HMCN2: variants seen among roughly 807,000 people sequenced by gnomAD.
HMCN2 encodes the protein hemicentin-2.
A neutral mutation model predicts 377.5 loss-of-function variants in HMCN2; 325 were observed. The observed-to-expected ratio is 0.86, with a 90% confidence interval of 0.79 to 0.94. HMCN2 has a LOEUF of 0.94. HMCN2 is among the 40% of genes least tolerant of loss of function. The pLI is 0.00. For synonymous variants in HMCN2, 2,007 were observed against 2,046.8 expected (o/e 0.98, Z 0.53); for missense variants, 4,543 against 4,725.3 (o/e 0.96, Z 1.13).
Position 130,423,399 on chromosome 9 carries a change from AG to A in HMCN2, c.13381+674del, listed in dbSNP as rs916168030. 6.6e-5 allele frequency among the ~76,000 whole-genome samples: 10 copies of A among 152,236 alleles called. No homozygotes were observed. Among genetic ancestry groups the A allele is most frequent in the Admixed American group, 2.0e-4 (3 of 15,292 alleles). ...CTGCCCTTGGCCATGGTCCCGCATG[AG>A]CAGTGTGGGGTCAGGGGATTTTGCT... On this transcript the variant is annotated intron_variant, in intron 87 of 97. Transcript: ENST00000683500. This position sits in a 1 kb window ranked among gnomAD's most constrained non-coding sequence, Gnocchi z 5.5.
chr9:130,305,145 G>A, intron 11 of HMCN2, 143 bp downstream of exon 11: 2 of 366,624 alleles, frequency 5.5e-6, no homozygotes, highest in Non-Finnish European at 1.1e-5. Flanking sequence ...GAACTTTCAG[G>A]GAGAGAGAAT....
At position 130,428,217 on chromosome 9, in the gene HMCN2, A is replaced by T; in HGVS notation, c.14066-141A>T. 1 of 956,284 alleles carries T rather than the reference A, an allele frequency of 1.0e-6. No homozygotes were observed. The highest frequency in any genetic ancestry group is 1.5e-6 in the Non-Finnish European group (1 of 676,648). The allele number at this position is 956,284 out of a possible 1,614,324, so 59.2% of individuals were successfully genotyped here. On this transcript the variant is annotated intron_variant, in intron 92 of 97. Transcript: ENST00000683500. This position sits in a 1 kb window ranked among gnomAD's most constrained non-coding sequence, Gnocchi z 5.0. Reference sequence around the variant, plus strand: ...AGGGAGCAAGACAATGGAAAGAGCTAGCAGAAGGGGTGGGGACCTTCCTGC... The same window carrying T: ...AGGGAGCAAGACAATGGAAAGAGCTTGCAGAAGGGGTGGGGACCTTCCTGC...
intron 19 of HMCN2, among the ~76,000 whole-genome samples, chr9:130,322,524 A>G (rs1470404462): frequency 2.0e-5 from 3 of 152,188 alleles, no homozygotes; most frequent in Non-Finnish European, 4.4e-5. Context: ...ATTCAGAGGC[A>G]TCAGTTTAAT....
intron 83 of HMCN2, 23 bp from the exon 84 acceptor site, chr9:130,408,720 T>C: frequency 7.8e-7 from 1 of 1,276,928 alleles, no homozygotes; most frequent in Non-Finnish European, 1.0e-6. Flanking sequence ...TTCTGACAAC[T>C]TGCTCGATGT....
chr9:130,336,417 C>T (rs1207971335), intron 22 of HMCN2, among the ~76,000 whole-genome samples: 5 of 152,182 alleles, frequency 3.3e-5, no homozygotes, highest in Admixed American at 1.3e-4. Flanking sequence ...CTGTTCCAGA[C>T]GCCGTGTTAT....
Position 130,356,160 on chromosome 9 carries a change from C to T in HMCN2, c.5328C>T (p.His1776=), listed in dbSNP as rs1379685673. 1 of 1,302,832 alleles carries T rather than the reference C, an allele frequency of 7.7e-7. No individual in the cohort carries two copies. Among genetic ancestry groups the T allele is most frequent in the Admixed American group, 2.3e-5 (1 of 43,536 alleles). 80.7% of individuals were successfully genotyped at this position (1,302,832 alleles called of 1,614,324 possible). A position where few individuals can be genotyped will look rare whatever the true frequency, so the allele number is the denominator to read the frequency against. The stretch of plus-strand genomic sequence containing the variant: ...TGGCCTCGCAGGGGACCACACTGCA[C>T]ATTGACCATGTGGAGCTGGACCACT... ...VQVASQGTTL[H]IDHVELDHSG... is the part of the protein sequence containing the mutation. Residue 1776 remains histidine, a synonymous_variant, in exon 34 of 98, where the codon CAC becomes CAT. Transcript: ENST00000683500.
At chr9:130,411,225 C>A (rs10793977) in intron 85 of HMCN2, among the ~76,000 whole-genome samples, 97,785 of 148,222 alleles carry the variant, frequency 0.66, 32,344 homozygotes, top group East Asian at 0.82. Flanking sequence ...AAAAAAAAAA[C>A]AACAAACTTT....
chr9:130,403,372 G>A (rs772065938), intron 79 of HMCN2, 44 bp downstream of exon 79: 23 of 1,286,800 alleles, frequency 1.8e-5, no homozygotes, highest in South Asian at 6.2e-5. Flanking sequence ...AGAGAAGAGC[G>A]TGGGTCTGGG....
chr9:130,287,729 T>C (rs950368529), intron 4 of HMCN2, among the ~76,000 whole-genome samples: 15 of 152,174 alleles, frequency 9.9e-5, no homozygotes, highest in Admixed American at 2.6e-4. Flanking sequence ...CCCAGCACTT[T>C]ACATTTCCCA....
rs1588377085 is a variant in HMCN2 at position 130,391,192 on chromosome 9, C to A, written c.9668-12C>A. 3 of 987,984 alleles carry A rather than the reference C, an allele frequency of 3.0e-6. No homozygotes were observed. The highest frequency in any genetic ancestry group is 9.4e-5 in the South Asian group (2 of 21,384). 61.2% of individuals were successfully genotyped at this position (987,984 alleles called of 1,614,324 possible). A position where few individuals can be genotyped will look rare whatever the true frequency, so the allele number is the denominator to read the frequency against. ...TGCCATCACCCAGGGCCTCACTGCACCCCTGCCTCAGTGGCCCCCCGGATC... is the reference window on the plus strand; with the variant it reads ...TGCCATCACCCAGGGCCTCACTGCAACCCTGCCTCAGTGGCCCCCCGGATC... On this transcript the variant is annotated splice_polypyrimidine_tract_variant and intron_variant, in intron 63 of 97. Coordinates refer to ENST00000683500, the MANE Select transcript of HMCN2 (RefSeq NM_001291815.2).
At chr9:130,335,775 G>T (rs1302740128) in intron 22 of HMCN2, among the ~76,000 whole-genome samples, 1 of 152,094 alleles carries the variant, frequency 6.6e-6, no homozygotes, top group Non-Finnish European at 1.5e-5. Context: ...GACACCTGCC[G>T]TCAAAGACCC....
At chr9:130,342,012 A>AAAATAAATAAATAAATAAAT (rs1221408865) in intron 24 of HMCN2, among the ~76,000 whole-genome samples, 11 of 130,722 alleles carry the variant, frequency 8.4e-5, no homozygotes, top group East Asian at 4.6e-4. Context: ...CCCATCTCTT[A>AAAATAAATAAATAAATAAAT]AAATAAATAA....
At chr9:130,289,651 GC>G (rs1241185439) in intron 4 of HMCN2, among the ~76,000 whole-genome samples, 1 of 152,108 alleles carries the variant, frequency 6.6e-6, no homozygotes, top group Non-Finnish European at 1.5e-5. Context: ...GTTCACGATG[GC>G]TAAATGCCAT....
At chr9:130,392,420 T>C (rs1440559107) in intron 66 of HMCN2, among the ~76,000 whole-genome samples, 1 of 152,076 alleles carries the variant, frequency 6.6e-6, no homozygotes, top group Non-Finnish European at 1.5e-5. Flanking sequence ...TGCCTGTCAC[T>C]GGGGACTGGG....
intron 21 of HMCN2, among the ~76,000 whole-genome samples, chr9:130,326,781 G>T (rs1838153964): frequency 6.6e-6 from 1 of 152,076 alleles, no homozygotes; most frequent in Non-Finnish European, 1.5e-5. Context: ...AGGAAGGAAG[G>T]GTACCATGCT....
At position 130,373,733 on chromosome 9, in the gene HMCN2, G is replaced by GATGGATGGA. The variant is rs1564828411; in HGVS notation, c.7438+609_7438+610insATGGATGGA. On this transcript the variant is annotated intron_variant, in intron 48 of 97. Coordinates refer to ENST00000683500, the MANE Select transcript of HMCN2 (RefSeq NM_001291815.2). ...GATGGATGGATGGATGGATGGATAG[G>GATGGATGGA]TAGGTGGATGGATAGATGGATAGGT... 6.1e-4 allele frequency among the ~76,000 whole-genome samples: 13 copies of GATGGATGGA among 21,270 alleles called. No individual in the cohort carries two copies. In the East Asian group the frequency reaches 9.1e-3, roughly 15 times the overall value. The allele number at this position is 21,270 out of a possible 152,430, so 14.0% of individuals were successfully genotyped here. A position where few individuals can be genotyped will look rare whatever the true frequency, so the allele number is the denominator to read the frequency against.
intron 85 of HMCN2, among the ~76,000 whole-genome samples, chr9:130,413,351 G>A (rs11244241): frequency 0.16 from 24,101 of 152,142 alleles, 2,356 homozygotes; most frequent in East Asian, 0.4. Flanking sequence ...AAAGCAGTCA[G>A]TCTCTCACCA....
intron 85 of HMCN2, among the ~76,000 whole-genome samples, chr9:130,411,218 A>G: frequency 6.6e-6 from 1 of 151,796 alleles, no homozygotes; most frequent in East Asian, 1.9e-4. Context: ...CTCTTTAAAA[A>G]AAAAAACAAC....
chr9:130,292,238 T>C (rs1392881843), intron 4 of HMCN2, among the ~76,000 whole-genome samples: 6 of 152,222 alleles, frequency 3.9e-5, no homozygotes, highest in African/African-American at 1.4e-4. Context: ...GCTCTCTGTA[T>C]GGTTGGGCTG....
Sources: gnomAD v4.1 joint callset for allele counts (sites outside exome capture counted in the v4.1 genomes callset) on GRCh38, gnomAD v4.1.1 for gene constraint, Gnocchi (gnomAD v3.1) non-coding constraint, MANE v1.5 for transcripts, NCBI Gene and HGNC (gene_info 2026-07-23, HGNC 2026-07-21) for gene names.